The following MSI2 variants were observed in gnomAD, a reference collection of about 807,000 sequenced individuals.
MSI2 encodes musashi RNA binding protein 2, also known as RNA-binding protein Musashi homolog 2.
In MSI2, 17 loss-of-function variants were observed where a neutral mutation model predicts 45.6. The ratio of observed to expected loss-of-function variants is 0.37; its 90% CI spans 0.26 to 0.56. The LOEUF is 0.56. Ranked by LOEUF, MSI2 falls within the 20% of genes least tolerant of loss-of-function variation. The probability of loss-of-function intolerance (pLI) is 0.77; values close to 1 mark genes in which losing one functional copy is unlikely to be tolerated. For missense variants in MSI2, 293 were observed against 444.2 expected (o/e 0.66, Z 3.06); for synonymous variants, 156 against 158.2 (o/e 0.99, Z 0.11).
chr17:57,538,615 C>T (rs2086973419), intron 7 of MSI2, among the ~76,000 whole-genome samples: 1 of 152,308 alleles, frequency 6.6e-6, no homozygotes, highest in African/African-American at 2.4e-5. Flanking sequence ...CTTCCCCCTT[C>T]CTCCTTAAGT....
chr17:57,688,141 T>G (rs1913918000), downstream of MSI2, among the ~76,000 whole-genome samples: 1 of 152,068 alleles, frequency 6.6e-6, no homozygotes, highest in Non-Finnish European at 1.5e-5. Context: ...AATAAGGAAC[T>G]TGTAGGGGTG....
rs755998001 is a variant in MSI2, at chr17:57,285,932, G to A, written c.312+23740G>A. 72 of 1,533,750 alleles carry A rather than the reference G, an allele frequency of 4.7e-5. 1 individual carries two copies. The South Asian group carries it at 7.2e-4, about 15-fold the overall frequency. On this transcript the variant is annotated intron_variant, in intron 5 of 13. Coordinates refer to ENST00000284073, the MANE Select transcript of MSI2 (RefSeq NM_138962.4). ...AGTACTAAAGAATACGTCTTATCAC[G>A]TGAATCAGTATCTTTTTATTCAACA...
chr17:57,587,767 G>A (rs1904441456), intron 7 of MSI2, among the ~76,000 whole-genome samples: 1 of 152,170 alleles, frequency 6.6e-6, no homozygotes, highest in South Asian at 2.1e-4. Flanking sequence ...CAGGCAAGTT[G>A]AGAAAATAAA....
chr17:57,465,893 T>C (rs1335727188), intron 6 of MSI2, among the ~76,000 whole-genome samples: 1 of 152,136 alleles, frequency 6.6e-6, no homozygotes, highest in Non-Finnish European at 1.5e-5. Flanking sequence ...CTGAGCCCCG[T>C]AGAAGGGTTT....
intron 5 of MSI2, among the ~76,000 whole-genome samples, chr17:57,315,922 G>A (rs188955977): frequency 1.4e-4 from 22 of 152,114 alleles, no homozygotes; most frequent in African/African-American, 4.8e-4. Context: ...GGGTGTACAC[G>A]GGCTGTGTGA....
At chr17:57,642,852 T>C (rs1208339375) in intron 10 of MSI2, among the ~76,000 whole-genome samples, 1 of 152,222 alleles carries the variant, frequency 6.6e-6, no homozygotes, top group African/African-American at 2.4e-5. Context: ...AGGTACTGAA[T>C]GCTAGGCCCC....
chr17:57,319,483 T>C (rs1053131244), intron 5 of MSI2, among the ~76,000 whole-genome samples: 4 of 152,254 alleles, frequency 2.6e-5, no homozygotes, highest in Non-Finnish European at 5.9e-5. Flanking sequence ...GTCAGAATGA[T>C]GCATCTTATG....
chr17:57,676,263 C>G (rs972636210), intron 12 of MSI2, among the ~76,000 whole-genome samples: 3 of 152,136 alleles, frequency 2.0e-5, no homozygotes, highest in African/African-American at 7.2e-5. Flanking sequence ...CACAGACATG[C>G]ACGCACACGC....
chr17:57,299,145 G>T (rs557909936), intron 5 of MSI2, among the ~76,000 whole-genome samples: 16 of 152,178 alleles, frequency 1.1e-4, no homozygotes, highest in Non-Finnish European at 1.9e-4. Context: ...AGAGAGCTAG[G>T]GTCTTGCCTT....
At chr17:57,329,484 A>G (rs2143718373) in intron 5 of MSI2, among the ~76,000 whole-genome samples, 1 of 152,200 alleles carries the variant, frequency 6.6e-6, no homozygotes, top group East Asian at 1.9e-4. Flanking sequence ...AACATGGTAA[A>G]CCCAAGCTCA....
chr17:57,452,703 T>G (rs2085040531), intron 6 of MSI2, among the ~76,000 whole-genome samples: 1 of 152,184 alleles, frequency 6.6e-6, no homozygotes, highest in South Asian at 2.1e-4. Flanking sequence ...TTTGCAGTTA[T>G]AATAATAAAT....
chr17:57,386,807 G>A (rs530377907), intron 5 of MSI2, among the ~76,000 whole-genome samples: 130 of 152,352 alleles, frequency 8.5e-4, no homozygotes, highest in Non-Finnish European at 1.5e-3. Context: ...TACCTTGTAC[G>A]TAGCAGACAC....
intron 5 of MSI2, among the ~76,000 whole-genome samples, chr17:57,293,066 A>G (rs1360571827): frequency 1.3e-5 from 2 of 152,100 alleles, no homozygotes; most frequent in Non-Finnish European, 2.9e-5. Context: ...CACCTGTTGT[A>G]AATCTGAGAA....
chr17:57,665,788 G>C (rs1912320400), intron 11 of MSI2, among the ~76,000 whole-genome samples: 1 of 152,192 alleles, frequency 6.6e-6, no homozygotes, highest in Non-Finnish European at 1.5e-5. Flanking sequence ...ACTTTCCTGG[G>C]GTGGGGGAGG....
At chr17:57,490,212 T>A (rs2085842671) in intron 6 of MSI2, among the ~76,000 whole-genome samples, 1 of 152,220 alleles carries the variant, frequency 6.6e-6, no homozygotes, top group African/African-American at 2.4e-5. Context: ...TGCCTGCCAC[T>A]CAGTAGATGC....
chr17:57,693,473 C>T, the MSI2 span, among the ~76,000 whole-genome samples: 1 of 152,266 alleles, frequency 6.6e-6, no homozygotes, highest in South Asian at 2.1e-4. Flanking sequence ...TCACTGATTC[C>T]TTCTTAAATT....
intron 6 of MSI2, among the ~76,000 whole-genome samples, chr17:57,489,299 A>G (rs1238171398): frequency 6.6e-6 from 1 of 152,196 alleles, no homozygotes; most frequent in East Asian, 1.9e-4. Flanking sequence ...AAGGGAGAAC[A>G]TGCCCCTAAA....
At chr17:57,360,533 G>A (rs1916745289) in intron 5 of MSI2, among the ~76,000 whole-genome samples, 1 of 152,254 alleles carries the variant, frequency 6.6e-6, no homozygotes, top group African/African-American at 2.4e-5. Context: ...GCCCGTGAGG[G>A]CCATAGCATC....
At chr17:57,604,501 A>C (rs1906304402) in intron 8 of MSI2, among the ~76,000 whole-genome samples, 1 of 152,132 alleles carries the variant, frequency 6.6e-6, no homozygotes, top group African/African-American at 2.4e-5. Flanking sequence ...GGATGGTCCT[A>C]GGAAAGGAGG....
Sources: allele counts gnomAD v4.1 joint callset (sites outside exome capture counted in the v4.1 genomes callset), GRCh38; gene constraint gnomAD v4.1.1; transcripts MANE v1.5; gene names NCBI Gene and HGNC (gene_info 2026-07-23, HGNC 2026-07-21).